Variants in LLGL1 observed in about 807,000 individuals in gnomAD.
LLGL1 encodes LLGL scribble cell polarity complex component 1.
LLGL1 carries 58 observed loss-of-function variants against 110.6 expected under a neutral mutation model. The observed-to-expected ratio is 0.52, with a 90% CI of 0.42 to 0.65. LLGL1 has a LOEUF of 0.65. Among genes scored for constraint, LLGL1 ranks in the 30% least tolerant of loss-of-function variants. The probability of loss-of-function intolerance (pLI) is 0.00; values close to 1 mark genes in which losing one functional copy is unlikely to be tolerated. For synonymous variants in LLGL1, 674 were observed against 607.2 expected, an observed-to-expected ratio of 1.11 and a Z score of -1.62; for missense variants, 1,229 against 1,462.1, an observed-to-expected ratio of 0.84 and a Z score of 2.60.
rs1597863482 is a variant in LLGL1, at chr17:18,232,699, A to G, written c.289A>G (p.Ser97Gly). The change falls in exon 4 of 23, where the codon AGC (serine) becomes GGC (glycine). Residue 97 changes from serine to glycine, a missense_variant. Ser to Gly is a moderately conservative substitution (Grantham distance 56). Coordinates refer to ENST00000316843, the MANE Select transcript of LLGL1 (RefSeq NM_004140.4). ...QGRLLSLLDD[S>G]SLHLWEIVHH... Reference sequence around the variant, plus strand: ...CCGCCTCCTGTCCCTGCTTGATGACAGCAGTCTGCATCTCTGGGAGATTGT... The same window carrying G: ...CCGCCTCCTGTCCCTGCTTGATGACGGCAGTCTGCATCTCTGGGAGATTGT... 1 of 1,614,158 alleles carries G rather than the reference A, an allele frequency of 6.2e-7. No individual in the cohort carries two copies. The highest frequency in any genetic ancestry group is 1.6e-4 in the Middle Eastern group (1 of 6,062).
intron 13 of LLGL1, 24 bp downstream of exon 13, chr17:18,236,963 T>G: frequency 1.3e-6 from 2 of 1,585,348 alleles, no homozygotes; most frequent in South Asian, 2.2e-5. Context: ...TCCCCTGGGT[T>G]GGAGATGTCA....
intron 20 of LLGL1, 71 bp from the exon 21 acceptor site, chr17:18,242,437 T>C: frequency 1.2e-6 from 2 of 1,600,802 alleles, no homozygotes; most frequent in Non-Finnish European, 1.7e-6. Flanking sequence ...CTTATGGGTC[T>C]GTGTCCCTAG....
chr17:18,229,898 T>C, intron 1 of LLGL1, 43 bp from the exon 2 acceptor site: 1 of 1,430,368 alleles, frequency 7.0e-7, no homozygotes, highest in Admixed American at 1.8e-5. Flanking sequence ...ATGGCAGAGG[T>C]GCCTGGGAGT....
rs1322826637 is a variant in LLGL1 at position 18,243,921 on chromosome 17, A to C, written c.*15A>C. ...TCCCTCTTCCAGGAAGGCCAGAACT[A>C]TCCCGACCTCCACCTGCCCTGCTCG... On this transcript the variant is annotated 3_prime_UTR_variant, in exon 23 of 23. Transcript: ENST00000316843. The C allele has an allele frequency of 6.6e-6, 1 of 152,580 alleles. No individual in the cohort carries two copies. The highest frequency in any genetic ancestry group is 1.5e-5 in the Non-Finnish European group (1 of 68,326). The allele number at this position is 152,580 out of a possible 1,614,324, so 9.5% of individuals were successfully genotyped here. A position where few individuals can be genotyped will look rare whatever the true frequency, so the allele number is the denominator to read the frequency against.
At chr17:18,231,402 A>C (rs1275970311) in intron 2 of LLGL1, among the ~76,000 whole-genome samples, 1 of 152,160 alleles carries the variant, frequency 6.6e-6, no homozygotes, top group Admixed American at 6.5e-5. Context: ...AGCTCCAGGC[A>C]ACGGCTCCTG....
At position 18,244,736 on chromosome 17, in the gene LLGL1, A is replaced by AGGG. The variant is rs1567700333; in HGVS notation, c.*838_*840dup. ...TGTGTGTCCGGCGGGGGGGGGGGGCAGGGGGGGGGGTCAAGATGAGTTTCC... is the reference window on the plus strand; with the variant it reads ...TGTGTGTCCGGCGGGGGGGGGGGGCAGGGGGGGGGGGGGTCAAGATGAGTTTCC... On this transcript the variant is annotated 3_prime_UTR_variant, in exon 23 of 23. Coordinates refer to ENST00000316843, the MANE Select transcript of LLGL1 (RefSeq NM_004140.4). 4.5e-3 allele frequency: 46 copies of AGGG among 10,190 alleles called. 3 individuals are homozygous for AGGG. The highest frequency in any genetic ancestry group is 4.8e-3 in the Non-Finnish European group (25 of 5,168). 0.6% of individuals were successfully genotyped at this position (10,190 alleles called of 1,614,324 possible).
rs73289909 is a variant in LLGL1 at position 18,241,825 on chromosome 17, C to T, written c.2768-60C>T. On this transcript the variant is annotated intron_variant, in intron 18 of 22. Coordinates refer to ENST00000316843, the MANE Select transcript of LLGL1 (RefSeq NM_004140.4). ...TCCAGGTGGGCACAGGCCCAGGCCA[C>T]GGAGGAGCTGTGGTTGGTGGTATCT... 613 of 1,603,044 alleles carry T rather than the reference C, an allele frequency of 3.8e-4. 1 individual carries two copies. The African/African-American group carries it at 6.7e-3, about 18-fold the overall frequency.
intron 1 of LLGL1, among the ~76,000 whole-genome samples, chr17:18,229,350 G>A (rs1402775218): frequency 1.3e-5 from 2 of 152,128 alleles, no homozygotes; most frequent in African/African-American, 2.4e-5. Context: ...GATGCCTTCG[G>A]GGTCCAGGCA....
chr17:18,232,474 A>T (rs759346803), intron 2 of LLGL1, 21 bp from the exon 3 acceptor site: 3 of 1,608,928 alleles, frequency 1.9e-6, no homozygotes, highest in Non-Finnish European at 2.5e-6. Flanking sequence ...GCCTATTTCC[A>T]CCTTGACCTG....
intron 12 of LLGL1, 31 bp from the exon 13 acceptor site, chr17:18,236,804 C>G (rs1351954087): frequency 6.2e-7 from 1 of 1,613,134 alleles, no homozygotes; most frequent in African/African-American, 1.3e-5. Flanking sequence ...CTGACCCCGC[C>G]TGGACTCATT....
At position 18,234,981 on chromosome 17, in the gene LLGL1, C is replaced by A. The variant is rs374862629; in HGVS notation, c.1048C>A (p.Arg350=). The A allele has an allele frequency of 6.8e-6, 11 of 1,613,740 alleles. No individual in the cohort carries two copies. The highest frequency in any genetic ancestry group is 1.6e-4 in the Middle Eastern group (1 of 6,084). Reference sequence around the variant, plus strand: ...CGACTTCTTCACAGTGCACAGCACACGGCCCGAGGATGGTGCGTGCCCTGC... The same window carrying A: ...CGACTTCTTCACAGTGCACAGCACAAGGCCCGAGGATGGTGCGTGCCCTGC... ...IIDFFTVHST[R]PEDEFDDPQA... Residue 350 remains arginine, a synonymous_variant, in exon 9 of 23, where the codon CGG becomes AGG. Coordinates refer to ENST00000316843, the MANE Select transcript of LLGL1 (RefSeq NM_004140.4).
At chr17:18,241,804 G>C in intron 18 of LLGL1, 81 bp from the exon 19 acceptor site, 1 of 1,607,482 alleles carries the variant, frequency 6.2e-7, no homozygotes. Context: ...GGGCACTCCA[G>C]GTGGGCACAG....
Position 18,232,519 on chromosome 17 carries a change from C to G in LLGL1, c.204C>G (p.Phe68Leu), listed in dbSNP as rs1183168383. ...VKIYGAPGVE[F>L]TGLHRDAATV... The stretch of plus-strand genomic sequence containing the variant: ...GCTATGGTGCACCTGGCGTGGAGTT[C>G]ACAGGCCTGCACCGGGATGCAGCCA... The change falls in exon 3 of 23, where the codon TTC (phenylalanine) becomes TTG (leucine). Residue 68 changes from phenylalanine to leucine, a missense_variant. Coordinates refer to ENST00000316843, the MANE Select transcript of LLGL1 (RefSeq NM_004140.4). The G allele has an allele frequency of 1.9e-6, 3 of 1,614,032 alleles. No homozygotes were observed. The highest frequency in any genetic ancestry group is 2.5e-6 in the Non-Finnish European group (3 of 1,179,958).
At chr17:18,243,877 T>G (rs1356975340) in intron 22 of LLGL1, 31 bp from the exon 23 acceptor site, 3 of 152,570 alleles carry the variant, frequency 2.0e-5, no homozygotes, top group Non-Finnish European at 2.9e-5. Context: ...TCCCTCACCT[T>G]CTGCTGATAC....
chr17:18,228,892 C>T (rs192998238), intron 1 of LLGL1, among the ~76,000 whole-genome samples: 1 of 152,104 alleles, frequency 6.6e-6, no homozygotes, highest in African/African-American at 2.4e-5. Flanking sequence ...ACAGCTAGGC[C>T]GTGACCAAAC....
intron 13 of LLGL1, 108 bp from the exon 14 acceptor site, chr17:18,237,373 G>A: frequency 8.9e-7 from 1 of 1,118,640 alleles, no homozygotes; most frequent in Non-Finnish European, 1.2e-6. Context: ...GACAGTCCTA[G>A]AACCACCTTG....
At position 18,229,951 on chromosome 17, in the gene LLGL1, A is replaced by G; in HGVS notation, c.92A>G (p.His31Arg). 1 of 1,609,250 alleles carries G rather than the reference A, an allele frequency of 6.2e-7. No individual in the cohort carries two copies. The highest frequency in any genetic ancestry group is 8.5e-7 in the Non-Finnish European group (1 of 1,178,634). ...ELFAFNKTVE[H>R]GFPNQPSALA... ...CTCCCCTCCTTGCAGACTGTGGAGCATGGCTTCCCCAATCAGCCCAGCGCC... is the reference window on the plus strand; with the variant it reads ...CTCCCCTCCTTGCAGACTGTGGAGCGTGGCTTCCCCAATCAGCCCAGCGCC... Residue 31 changes from histidine to arginine, a missense_variant, in exon 2 of 23, where the codon CAT becomes CGT. His to Arg is a conservative substitution (Grantham distance 29). Transcript: ENST00000316843.
intron 2 of LLGL1, 29 bp from the exon 3 acceptor site, chr17:18,232,466 C>T: frequency 6.2e-7 from 1 of 1,600,432 alleles, no homozygotes. Flanking sequence ...TGGTCTATGC[C>T]TATTTCCACC....
At chr17:18,226,074 C>T (rs995961096) in intron 1 of LLGL1, among the ~76,000 whole-genome samples, 16 of 152,030 alleles carry the variant, frequency 1.1e-4, no homozygotes, top group African/African-American at 2.9e-4. Flanking sequence ...GTCTCTGGGT[C>T]TCTGTCCCTC....
Sources: gnomAD v4.1 joint callset for allele counts (sites outside exome capture counted in the v4.1 genomes callset) on GRCh38, gnomAD v4.1.1 for gene constraint, MANE v1.5 for transcripts, NCBI Gene and HGNC (gene_info 2026-07-23, HGNC 2026-07-21) for gene names.